Variants in ESRP1 observed in about 807,000 individuals in gnomAD.
The protein encoded by ESRP1 is RNA-binding motif protein 35A.
Under a neutral mutation model 81.7 loss-of-function variants are expected in ESRP1, and 33 were observed. The ratio of observed to expected loss-of-function variants is 0.40; its 90% CI spans 0.31 to 0.54. The LOEUF (loss-of-function observed/expected upper bound fraction) is 0.54, where lower values mean the gene tolerates loss of function less well. Ranked by LOEUF, ESRP1 falls within the 20% of genes least tolerant of loss-of-function variation. ESRP1 has a pLI of 0.41. For missense variants in ESRP1, 672 were observed against 833.1 expected (o/e 0.81, Z 2.38); for synonymous variants, 320 against 303.3 (o/e 1.06, Z -0.57).
chr8:94,655,511 C>T (rs1439103348), intron 4 of ESRP1, among the ~76,000 whole-genome samples: 1 of 151,830 alleles, frequency 6.6e-6, no homozygotes, highest in Admixed American at 6.6e-5. Context: ...CTTGACTTCT[C>T]ATTGTATTTT....
chr8:94,668,519 T>C (rs1819136380), intron 10 of ESRP1, among the ~76,000 whole-genome samples: 1 of 152,230 alleles, frequency 6.6e-6, no homozygotes, highest in Non-Finnish European at 1.5e-5. Flanking sequence ...AGCTTACCTA[T>C]GTCTGAAAAG....
chr8:94,704,472 T>A (rs1198288418), intron 15 of ESRP1, among the ~76,000 whole-genome samples: 5 of 152,012 alleles, frequency 3.3e-5, no homozygotes, highest in African/African-American at 1.2e-4. Flanking sequence ...ATCTCTTTTA[T>A]TTAGCCTAGG....
Position 94,692,728 on chromosome 8 carries a change from T to C in ESRP1, c.1872T>C (p.Leu624=). The change falls in exon 14 of 16, where the codon CTT becomes CTC. Residue 624 remains leucine (L), a synonymous_variant. Transcript: ENST00000433389. ...GCTACTTCCCTACAGCTGCTAATCT[T>C]AGCGGTGTCCCTCCACAGCCTGGCA... ...SLGYFPTAAN[L]SGVPPQPGTV... 1 of 1,613,982 alleles carries C rather than the reference T, an allele frequency of 6.2e-7. No homozygotes were observed. Among genetic ancestry groups the C allele is most frequent in the South Asian group, 1.1e-5 (1 of 91,064 alleles).
At chr8:94,690,309 T>G (rs536585122) in intron 13 of ESRP1, among the ~76,000 whole-genome samples, 124 of 118,368 alleles carry the variant, frequency 1.0e-3, no homozygotes, top group African/African-American at 3.9e-3. Flanking sequence ...TTTTTTGGAT[T>G]TTTAGTGGAG....
chr8:94,688,540 C>T (rs750068757), intron 13 of ESRP1: 8 of 211,020 alleles, frequency 3.8e-5, no homozygotes, highest in East Asian at 1.2e-4. Flanking sequence ...CTGACAACTT[C>T]GGCTGGCATC....
intron 1 of ESRP1, 57 bp from the exon 2 acceptor site, chr8:94,641,899 T>C: frequency 1.3e-6 from 2 of 1,597,950 alleles, no homozygotes; most frequent in Admixed American, 3.4e-5. Context: ...GGGAGGAGGG[T>C]GCAGAAAGAG....
intron 15 of ESRP1, among the ~76,000 whole-genome samples, chr8:94,700,953 A>ATGTGTG (rs371493650): frequency 1.5e-4 from 21 of 137,400 alleles, no homozygotes; most frequent in South Asian, 2.5e-4. Flanking sequence ...GTGTGTGTGT[A>ATGTGTG]TGTGTGTGTG....
At chr8:94,703,273 G>A (rs2130745464) in intron 15 of ESRP1, among the ~76,000 whole-genome samples, 1 of 152,080 alleles carries the variant, frequency 6.6e-6, no homozygotes, top group South Asian at 2.1e-4. Context: ...TCCTGCCTCA[G>A]CCTCCCGAGT....
Position 94,678,383 on chromosome 8 carries a change from A to C in ESRP1, c.1820+12A>C, listed in dbSNP as rs1349361289. 6.2e-7 allele frequency: 1 copy of C among 1,606,946 alleles called. No individual in the cohort carries two copies. The highest frequency in any genetic ancestry group is 8.5e-7 in the Non-Finnish European group (1 of 1,175,838). ...GCGTACTATCCCAGGTAAGGCTCTG[A>C]CAGAGGTGGAAATGAGGGGCAGAAA... On this transcript the variant is annotated intron_variant, in intron 13 of 15. Transcript: ENST00000433389.
At chr8:94,698,222 C>G (rs1809683018) in intron 15 of ESRP1, among the ~76,000 whole-genome samples, 1 of 152,224 alleles carries the variant, frequency 6.6e-6, no homozygotes, top group African/African-American at 2.4e-5. Context: ...CTCATTTTCT[C>G]AAACTAACAT....
intron 10 of ESRP1, among the ~76,000 whole-genome samples, chr8:94,669,604 G>A (rs1015956846): frequency 2.0e-5 from 3 of 152,004 alleles, no homozygotes; most frequent in African/African-American, 7.3e-5. Context: ...AGTGGCTCAC[G>A]CCTGTAATCC....
intron 4 of ESRP1, among the ~76,000 whole-genome samples, chr8:94,653,350 A>G (rs1464958253): frequency 6.6e-6 from 1 of 152,158 alleles, no homozygotes; most frequent in Non-Finnish European, 1.5e-5. Context: ...ACTGGGGGCA[A>G]CTTATTTGAA....
chr8:94,664,752 T>G lies in ESRP1; in HGVS notation c.700T>G (p.Trp234Gly). Residue 234 changes from tryptophan to glycine, a missense_variant, in exon 7 of 16, where the codon TGG becomes GGG. Coordinates refer to ENST00000433389, the MANE Select transcript of ESRP1 (RefSeq NM_017697.4). ...CGTAGTCAGGGCACGAGGTTTACCATGGCAGTCTTCAGATCAAGATATTGC... is the reference window on the plus strand; with the variant it reads ...CGTAGTCAGGGCACGAGGTTTACCAGGGCAGTCTTCAGATCAAGATATTGC... ...NTVVRARGLP[W>G]QSSDQDIARF... 1 of 1,614,016 alleles carries G rather than the reference T, an allele frequency of 6.2e-7. No individual in the cohort carries two copies. Among genetic ancestry groups the G allele is most frequent in the Non-Finnish European group, 8.5e-7 (1 of 1,179,888 alleles).
chr8:94,647,545 C>G (rs1817911451), intron 4 of ESRP1, among the ~76,000 whole-genome samples: 1 of 152,112 alleles, frequency 6.6e-6, no homozygotes, highest in Non-Finnish European at 1.5e-5. Flanking sequence ...GCCACCTTTT[C>G]TGGGGGGATA....
Position 94,678,263 on chromosome 8 carries a change from C to A in ESRP1, c.1712C>A (p.Ala571Asp). The A allele has an allele frequency of 6.2e-7, 1 of 1,614,022 alleles. No individual in the cohort carries two copies. Among genetic ancestry groups the A allele is most frequent in the Non-Finnish European group, 8.5e-7 (1 of 1,179,900 alleles). The change falls in exon 13 of 16, where the codon GCC becomes GAC. Residue 571 changes from alanine to aspartate, a missense_variant. Ala to Asp is a moderately radical substitution (Grantham distance 126). Coordinates refer to ENST00000433389, the MANE Select transcript of ESRP1 (RefSeq NM_017697.4). ...GCTGCAGTTATTCCTACAGAAGCTG[C>A]CATTTACCAGCCCTCTGTGATTTTG... ...APAAVIPTEAAIYQPSVILNP... is the reference protein window; with the variant it reads ...APAAVIPTEADIYQPSVILNP...
chr8:94,685,693 G>A (rs1809109933), intron 13 of ESRP1, among the ~76,000 whole-genome samples: 1 of 152,000 alleles, frequency 6.6e-6, no homozygotes. Flanking sequence ...CCAGCTATTT[G>A]GGAGGCTGAG....
chr8:94,688,825 A>G (rs1381302572), intron 13 of ESRP1, among the ~76,000 whole-genome samples: 5 of 152,020 alleles, frequency 3.3e-5, no homozygotes, highest in Admixed American at 3.3e-4. Flanking sequence ...TTTGTTGAGT[A>G]TTCTGGATCC....
chr8:94,643,488 GT>G (rs2130525904), intron 3 of ESRP1, 72 bp downstream of exon 3: 1 of 869,840 alleles, frequency 1.1e-6, no homozygotes, highest in Non-Finnish European at 1.9e-6. Context: ...AAAATTTTTG[GT>G]TTATTCAAGT....
In ESRP1 at chr8:94,668,198, T is replaced by G; in HGVS notation, c.1181T>G (p.Leu394Trp). The change falls in exon 10 of 16, where the codon TTG becomes TGG. Residue 394 changes from leucine to tryptophan, a missense_variant. Coordinates refer to ENST00000433389, the MANE Select transcript of ESRP1 (RefSeq NM_017697.4). ...GCGTTGAGGAAGCATAAAGACTTGT[T>G]GGGTAAAAGATACATTGAACTCTTC... is the stretch of plus-strand genomic sequence containing the variant. Reference protein sequence around the residue: ...QNALRKHKDLLGKRYIELFRS... With the variant: ...QNALRKHKDLWGKRYIELFRS... 1 of 1,613,312 alleles carries G rather than the reference T, an allele frequency of 6.2e-7. No homozygotes were observed. Among genetic ancestry groups the G allele is most frequent in the Non-Finnish European group, 8.5e-7 (1 of 1,179,462 alleles).
Sources: allele counts gnomAD v4.1 joint callset (sites outside exome capture counted in the v4.1 genomes callset), GRCh38; gene constraint gnomAD v4.1.1; transcripts MANE v1.5; gene names NCBI Gene and HGNC (gene_info 2026-07-23, HGNC 2026-07-21).